GLIS1: variants seen among roughly 807,000 people sequenced by gnomAD.
GLIS1 encodes zinc finger protein GLIS1.
In GLIS1, 24 loss-of-function variants were observed where a neutral mutation model predicts 63.8. That is an observed-to-expected ratio of 0.38 (90% CI 0.27 to 0.53). GLIS1 has a LOEUF of 0.53. Among genes scored for constraint, GLIS1 ranks in the 20% least tolerant of loss-of-function variants. The probability of loss-of-function intolerance (pLI) is 0.85; values close to 1 mark genes in which losing one functional copy is unlikely to be tolerated. For missense variants in GLIS1, 1,036 were observed against 1,074.1 expected (o/e 0.96, Z 0.50); for synonymous variants, 450 against 482.5 (o/e 0.93, Z 0.88).
At chr1:53,577,216 C>T (rs3108391) in intron 4 of GLIS1, among the ~76,000 whole-genome samples, 115,460 of 151,216 alleles carry the variant, frequency 0.76, 46,529 homozygotes, top group East Asian at 0.92. Context: ...GCATCCCCTA[C>T]CCCCCTGGGG....
Position 53,520,756 on chromosome 1 carries a change from C to A in GLIS1, c.1604G>T (p.Gly535Val). 1 of 1,605,462 alleles carries A rather than the reference C, an allele frequency of 6.2e-7. No individual in the cohort carries two copies. Among genetic ancestry groups the A allele is most frequent in the East Asian group, 2.2e-5 (1 of 44,522 alleles). Residue 535 changes from glycine (G) to valine (V), a missense_variant, in exon 7 of 11, where the codon GGC (glycine) becomes GTC (valine). This residue lies in a region of GLIS1 where 400 missense variants were observed against 400.9 expected (regional missense o/e 1.00). Coordinates refer to ENST00000628545, the MANE Select transcript of GLIS1 (RefSeq NM_001367484.1). ...EQQVRKKLHA[G>V]PDTEADVLTE... ...CAGGACGTCGGCCTCGGTGTCAGGG[C>A]CCGCATGCAGCTGGGGAGCAAGCAG...
At chr1:53,679,809 A>G (rs779906604) in intron 2 of GLIS1, among the ~76,000 whole-genome samples, 4 of 152,208 alleles carry the variant, frequency 2.6e-5, no homozygotes, top group Non-Finnish European at 5.9e-5. Flanking sequence ...CACACGGTGG[A>G]CAATGCTGGC....
chr1:53,543,893 C>T (rs1644670584), intron 4 of GLIS1, among the ~76,000 whole-genome samples: 1 of 152,122 alleles, frequency 6.6e-6, no homozygotes, highest in Admixed American at 6.5e-5. Context: ...CCGTGGCCAC[C>T]ACTTGCAAGA....
At chr1:53,707,592 G>A (rs1233415156) in intron 2 of GLIS1, among the ~76,000 whole-genome samples, 1 of 151,870 alleles carries the variant, frequency 6.6e-6, no homozygotes, top group African/African-American at 2.4e-5. Context: ...GGAGGTTGCA[G>A]TAAGCTGACA....
chr1:53,679,746 C>G (rs1056834078), intron 2 of GLIS1, among the ~76,000 whole-genome samples: 1 of 152,072 alleles, frequency 6.6e-6, no homozygotes, highest in African/African-American at 2.4e-5. Flanking sequence ...TGCCTTCTGG[C>G]GCTGCCGGGA....
At position 53,594,184 on chromosome 1, in the gene GLIS1, T is replaced by C. The variant is rs57378215; in HGVS notation, c.1244A>G (p.Tyr415Cys). Reference sequence around the variant, plus strand: ...CTTGTAGCGGGCGTTGAAGGGCTTGTAGCGGCGCACGCAGCCAGCCCAGAA... The same window carrying C: ...CTTGTAGCGGGCGTTGAAGGGCTTGCAGCGGCGCACGCAGCCAGCCCAGAA... ...TCFWAGCVRR[Y>C]KPFNARYKLL... is the part of the protein sequence containing the mutation. Residue 415 changes from tyrosine to cysteine, a missense_variant, in exon 4 of 11, where the codon TAC becomes TGC. Transcript: ENST00000628545. 3,113 of 1,613,994 alleles carry C rather than the reference T, an allele frequency of 1.9e-3. 40 individuals carry two copies. In the African/African-American group the frequency reaches 0.033, roughly 17 times the overall value.
chr1:53,705,721 G>C (rs1400077230), intron 2 of GLIS1, among the ~76,000 whole-genome samples: 1 of 152,192 alleles, frequency 6.6e-6, no homozygotes, highest in Non-Finnish European at 1.5e-5. Flanking sequence ...CAGAAGAAGG[G>C]AGGAAAGGGA....
At chr1:53,609,243 T>C (rs1037144029) in intron 2 of GLIS1, among the ~76,000 whole-genome samples, 5 of 151,780 alleles carry the variant, frequency 3.3e-5, no homozygotes, top group African/African-American at 9.6e-5. Context: ...AATTACCATA[T>C]ATTTGGGTAT....
intron 5 of GLIS1, among the ~76,000 whole-genome samples, chr1:53,527,920 G>C (rs987849625): frequency 1.3e-5 from 2 of 152,220 alleles, no homozygotes; most frequent in East Asian, 1.9e-4. Flanking sequence ...CACACCAAGT[G>C]GGGGCCAGAG....
In GLIS1 at chr1:53,506,783, G is replaced by A. The variant is rs564137202; in HGVS notation, c.2231-7C>T. 1 of 1,607,558 alleles carries A rather than the reference G, an allele frequency of 6.2e-7. No individual in the cohort carries two copies. Among genetic ancestry groups the A allele is most frequent in the Non-Finnish European group, 8.5e-7 (1 of 1,179,596 alleles). On this transcript the variant is annotated splice_polypyrimidine_tract_variant and splice_region_variant and intron_variant, in intron 10 of 10. Coordinates refer to ENST00000628545, the MANE Select transcript of GLIS1 (RefSeq NM_001367484.1). ...TCAGCCAGGGCCTCATAGCCTGTGA[G>A]TGGTTGGGAAAGGGTCAGCGCTGGA...
intron 6 of GLIS1, among the ~76,000 whole-genome samples, chr1:53,522,581 T>C (rs1268647381): frequency 6.6e-6 from 1 of 152,164 alleles, no homozygotes; most frequent in Admixed American, 6.5e-5. Context: ...CTGGGGTGCA[T>C]GATGCTGGGC....
chr1:53,731,136 T>C (rs1646855854), intron 2 of GLIS1, among the ~76,000 whole-genome samples: 1 of 152,208 alleles, frequency 6.6e-6, no homozygotes, highest in East Asian at 1.9e-4. Context: ...AGACAGGGAC[T>C]ACTACCTGCA....
At chr1:53,700,706 A>T (rs929276180) in intron 2 of GLIS1, among the ~76,000 whole-genome samples, 1 of 152,200 alleles carries the variant, frequency 6.6e-6, no homozygotes, top group Admixed American at 6.5e-5. Context: ...GTGTGCACCC[A>T]TCACCACTAT....
chr1:53,600,002 C>T, intron 3 of GLIS1, 99 bp downstream of exon 3: 1 of 653,238 alleles, frequency 1.5e-6, no homozygotes, highest in East Asian at 3.4e-5. Context: ...CCTCCATTTC[C>T]CCATGTGTCC....
At chr1:53,564,710 A>G (rs1644922435) in intron 4 of GLIS1, among the ~76,000 whole-genome samples, 1 of 152,104 alleles carries the variant, frequency 6.6e-6, no homozygotes, top group African/African-American at 2.4e-5. Context: ...CCACATTAAT[A>G]TTAGATAAAA....
chr1:53,693,365 C>A (rs1646428512), intron 2 of GLIS1, among the ~76,000 whole-genome samples: 3 of 85,700 alleles, frequency 3.5e-5, no homozygotes, highest in South Asian at 5.3e-4. Flanking sequence ...ATCCATCTTC[C>A]CTGCTGCTGA....
At chr1:53,730,101 G>A (rs997570252) in intron 2 of GLIS1, among the ~76,000 whole-genome samples, 8 of 152,094 alleles carry the variant, frequency 5.3e-5, no homozygotes, top group South Asian at 2.1e-4. Flanking sequence ...CTTAACCACC[G>A]AAAACGGTGT....
intron 6 of GLIS1, among the ~76,000 whole-genome samples, chr1:53,522,035 G>T (rs1465858561): frequency 6.6e-6 from 1 of 152,244 alleles, no homozygotes; most frequent in Non-Finnish European, 1.5e-5. Context: ...CCCAGGCTTG[G>T]AGAAGGCAAG....
At chr1:53,628,459 C>A (rs1376545304) in intron 2 of GLIS1, among the ~76,000 whole-genome samples, 1 of 152,176 alleles carries the variant, frequency 6.6e-6, no homozygotes, top group African/African-American at 2.4e-5. Context: ...TGAATGCCCA[C>A]CTTGTACAGC....
Sources: gnomAD v4.1 joint callset for allele counts (sites outside exome capture counted in the v4.1 genomes callset) on GRCh38, gnomAD v4.1.1 for gene constraint, gnomAD v4.1.1 regional missense constraint, MANE v1.5 for transcripts, NCBI Gene and HGNC (gene_info 2026-07-23, HGNC 2026-07-21) for gene names.